ZNF804A: variants seen among roughly 807,000 people sequenced by gnomAD.
ZNF804A encodes zinc finger protein 804A.
Under a neutral mutation model 16.5 loss-of-function variants are expected in ZNF804A, and 2 were observed. The observed-to-expected ratio is 0.12, with a 90% CI of 0.05 to 0.38. The LOEUF (loss-of-function observed/expected upper bound fraction) is 0.38, where lower values mean the gene tolerates loss of function less well. Among genes scored for constraint, ZNF804A ranks in the 10% least tolerant of loss-of-function variants. The probability of loss-of-function intolerance (pLI) is 0.99; values close to 1 mark genes in which losing one functional copy is unlikely to be tolerated. For synonymous variants in ZNF804A, 534 were observed against 489.6 expected (o/e 1.09, Z -1.20); for missense variants, 1,473 against 1,390.7 (o/e 1.06, Z -0.94).
chr2:184,784,067 G>T (rs1334969963), intron 1 of ZNF804A, among the ~76,000 whole-genome samples: 1 of 151,776 alleles, frequency 6.6e-6, no homozygotes, highest in Admixed American at 6.6e-5. Context: ...ATCCAGTTTG[G>T]TTATCAGAAA....
At chr2:184,881,410 G>C (rs1574254629) in intron 2 of ZNF804A, among the ~76,000 whole-genome samples, 2 of 151,848 alleles carry the variant, frequency 1.3e-5, no homozygotes, top group Admixed American at 1.3e-4. Context: ...TCAAATTATG[G>C]AAATGCAGAG....
At chr2:184,744,903 G>A (rs1379598016) in intron 1 of ZNF804A, among the ~76,000 whole-genome samples, 1 of 151,738 alleles carries the variant, frequency 6.6e-6, no homozygotes, top group African/African-American at 2.4e-5. Flanking sequence ...GTGACCTCAA[G>A]TCCTAATCAT....
intron 1 of ZNF804A, among the ~76,000 whole-genome samples, chr2:184,774,572 C>T (rs1305336665): frequency 2.0e-5 from 3 of 151,782 alleles, no homozygotes; most frequent in East Asian, 3.9e-4. Flanking sequence ...TGTGCTTTGA[C>T]CTCAGTGCTT....
At position 184,936,148 on chromosome 2, in the gene ZNF804A, G is replaced by C. The variant is rs778972135; in HGVS notation, c.752G>C (p.Arg251Thr). 1.2e-6 allele frequency: 2 copies of C among 1,614,036 alleles called. No homozygotes were observed. The highest frequency in any genetic ancestry group is 1.7e-6 in the Non-Finnish European group (2 of 1,179,946). The change falls in exon 4 of 4, where the codon AGA (arginine) becomes ACA (threonine). Residue 251 changes from arginine to threonine, a missense_variant. Coordinates refer to ENST00000302277, the MANE Select transcript of ZNF804A (RefSeq NM_194250.2). The stretch of plus-strand genomic sequence containing the variant: ...GGAAAAGGATTTAGCAGAAAAAGTA[G>C]ATTTGTCCCCAGTGCTTGTCATCTT... ...SVGKGFSRKS[R>T]FVPSACHLQQ...
intron 1 of ZNF804A, among the ~76,000 whole-genome samples, chr2:184,645,243 A>G (rs575991508): frequency 1.3e-5 from 2 of 152,282 alleles, no homozygotes; most frequent in East Asian, 3.8e-4. Flanking sequence ...TTATTATGGT[A>G]ATAACATCCA....
intron 1 of ZNF804A, among the ~76,000 whole-genome samples, chr2:184,635,522 A>C (rs1198668250): frequency 6.6e-6 from 1 of 152,126 alleles, no homozygotes; most frequent in Non-Finnish European, 1.5e-5. Context: ...GAAAGCAAAT[A>C]CAATATGTTC....
intron 2 of ZNF804A, among the ~76,000 whole-genome samples, chr2:184,929,303 T>C (rs191959732): frequency 6.6e-6 from 1 of 152,302 alleles, no homozygotes; most frequent in Admixed American, 6.5e-5. Context: ...AATGGTTACT[T>C]TGAAACAGTA....
chr2:184,651,896 A>C (rs997097960), intron 1 of ZNF804A, among the ~76,000 whole-genome samples: 2 of 152,190 alleles, frequency 1.3e-5, no homozygotes, highest in Admixed American at 1.3e-4. Context: ...TTCTCACAGA[A>C]GTTATAACAG....
intron 1 of ZNF804A, among the ~76,000 whole-genome samples, chr2:184,661,546 G>C (rs1692176541): frequency 1.3e-5 from 2 of 152,304 alleles, no homozygotes; most frequent in South Asian, 4.1e-4. Flanking sequence ...GAGTCCAGAG[G>C]TTTGTATGGG....
intron 2 of ZNF804A, among the ~76,000 whole-genome samples, chr2:184,932,172 A>G (rs1325498063): frequency 1.3e-5 from 2 of 151,898 alleles, no homozygotes; most frequent in African/African-American, 4.8e-5. Context: ...AGCCCTCCAC[A>G]CTGTTCCAAC....
At chr2:184,655,915 C>T (rs1206380023) in intron 1 of ZNF804A, among the ~76,000 whole-genome samples, 2 of 151,768 alleles carry the variant, frequency 1.3e-5, no homozygotes, top group Non-Finnish European at 2.9e-5. Flanking sequence ...GAAAATTTTG[C>T]ATGTGAAAAG....
intron 2 of ZNF804A, among the ~76,000 whole-genome samples, chr2:184,931,751 A>G (rs1574276023): frequency 6.6e-6 from 1 of 152,166 alleles, no homozygotes; most frequent in Non-Finnish European, 1.5e-5. Context: ...TTCTCCTCAG[A>G]AAATGGGTTT....
intron 1 of ZNF804A, among the ~76,000 whole-genome samples, chr2:184,619,400 G>C (rs1370382840): frequency 6.6e-6 from 1 of 151,486 alleles, no homozygotes; most frequent in Non-Finnish European, 1.5e-5. Flanking sequence ...TCATTTTAAG[G>C]GTATTTATGT....
chr2:184,713,095 T>C (rs529439013), intron 1 of ZNF804A, among the ~76,000 whole-genome samples: 62 of 151,976 alleles, frequency 4.1e-4, no homozygotes, highest in African/African-American at 1.3e-3. Flanking sequence ...CCTTGTGGCT[T>C]TCCATTAGCG....
At chr2:184,832,117 A>G (rs1332658320) in intron 1 of ZNF804A, among the ~76,000 whole-genome samples, 1 of 152,014 alleles carries the variant, frequency 6.6e-6, no homozygotes, top group Non-Finnish European at 1.5e-5. Flanking sequence ...TAACTATGCA[A>G]TTTGTCCATC....
At chr2:184,706,988 C>T (rs1266474483) in intron 1 of ZNF804A, among the ~76,000 whole-genome samples, 1 of 152,078 alleles carries the variant, frequency 6.6e-6, no homozygotes, top group Admixed American at 6.6e-5. Flanking sequence ...CCTTATGTGC[C>T]ACATTTTTAT....
At chr2:184,666,106 T>C (rs1158946926) in intron 1 of ZNF804A, among the ~76,000 whole-genome samples, 1 of 152,188 alleles carries the variant, frequency 6.6e-6, no homozygotes, top group Non-Finnish European at 1.5e-5. Flanking sequence ...AGTACCACAG[T>C]TACTTTCCAA....
chr2:184,605,433 A>G (rs1442462175), intron 1 of ZNF804A, among the ~76,000 whole-genome samples: 2 of 152,122 alleles, frequency 1.3e-5, no homozygotes, highest in Non-Finnish European at 2.9e-5. Context: ...GTTACAATAC[A>G]TAGTAGGACC....
intron 1 of ZNF804A, among the ~76,000 whole-genome samples, chr2:184,768,946 A>G (rs566213039): frequency 1.3e-4 from 20 of 152,216 alleles, no homozygotes; most frequent in African/African-American, 4.3e-4. Context: ...CTGTGTGCAT[A>G]TAACTACAAA....
Sources: allele counts gnomAD v4.1 joint callset (sites outside exome capture counted in the v4.1 genomes callset), GRCh38; gene constraint gnomAD v4.1.1; transcripts MANE v1.5; gene names NCBI Gene and HGNC (gene_info 2026-07-23, HGNC 2026-07-21).